FAM20A: variants seen among roughly 807,000 people sequenced by gnomAD.
FAM20A encodes the protein pseudokinase FAM20A.
In FAM20A, 42 loss-of-function variants were observed where a neutral mutation model predicts 52.0. That is an observed-to-expected ratio of 0.81 (90% CI 0.63 to 1.04). The LOEUF (loss-of-function observed/expected upper bound fraction) is 1.04. Ranked by LOEUF, FAM20A falls within the 50% of genes least tolerant of loss-of-function variation. The pLI is 0.00. For missense variants in FAM20A, 742 were observed against 712.7 expected (o/e 1.04, Z -0.47); for synonymous variants, 304 against 298.9 (o/e 1.02, Z -0.18).
intron 1 of FAM20A, among the ~76,000 whole-genome samples, chr17:68,556,808 A>G (rs2087064047): frequency 6.6e-6 from 1 of 152,122 alleles, no homozygotes; most frequent in Non-Finnish European, 1.5e-5. Flanking sequence ...GTGGGATTAT[A>G]GGGGCAGGGT....
In FAM20A at chr17:68,536,470, ACTTT is replaced by A. The variant is rs1481836424; in HGVS notation, c.*1003_*1006del. 21 of 454,080 alleles carry A rather than the reference ACTTT, an allele frequency of 4.6e-5. No individual in the cohort carries two copies. Among genetic ancestry groups the A allele is most frequent in the Admixed American group, 4.5e-4 (19 of 42,580 alleles). The allele number at this position is 454,080 out of a possible 1,614,324, so 28.1% of individuals were successfully genotyped here. A position where few individuals can be genotyped will look rare whatever the true frequency, so the allele number is the denominator to read the frequency against. On this transcript the variant is annotated 3_prime_UTR_variant, in exon 11 of 11. Transcript: ENST00000592554. ...AGAGGAGACAAGGAATCCCTACTAC[ACTTT>A]CTTCTAAGGGAGGCTTCAATAAAAA...
chr17:68,540,698 C>G, intron 8 of FAM20A, 151 bp downstream of exon 8: 1 of 969,504 alleles, frequency 1.0e-6, no homozygotes, highest in South Asian at 1.4e-5. Context: ...ACCTTCTGTC[C>G]TCTGGGACCT....
rs879942743 is a variant in FAM20A at position 68,536,102 on chromosome 17, A to G, written c.*1375T>C. ...GAGAGACACAAAGTCCAGGGGCAGC[A>G]TACCAGTCATGTGGGGGTACCACGG... On this transcript the variant is annotated 3_prime_UTR_variant, in exon 11 of 11. Transcript: ENST00000592554. 1 of 454,014 alleles carries G rather than the reference A, an allele frequency of 2.2e-6. No individual in the cohort carries two copies. The allele number at this position is 454,014 out of a possible 1,614,324, so 28.1% of individuals were successfully genotyped here.
intron 1 of FAM20A, among the ~76,000 whole-genome samples, chr17:68,575,475 T>A (rs1487621871): frequency 7.0e-5 from 8 of 114,178 alleles, no homozygotes; most frequent in African/African-American, 1.4e-4. Flanking sequence ...TATAATATAT[T>A]TTATATATTA....
At chr17:68,539,715 T>C (rs2143459579) in intron 9 of FAM20A, among the ~76,000 whole-genome samples, 170 bp downstream of exon 9, 1 of 152,306 alleles carries the variant, frequency 6.6e-6, no homozygotes, top group East Asian at 1.9e-4. Flanking sequence ...CAAGTGGTTC[T>C]TGCAAAGGTA....
At chr17:68,581,412 T>TTCTTTCTTTCTTTCTC (rs1234266220) in intron 1 of FAM20A, among the ~76,000 whole-genome samples, 3 of 146,084 alleles carry the variant, frequency 2.1e-5, no homozygotes, top group African/African-American at 7.7e-5. Flanking sequence ...CTTTCTTTCT[T>TTCTTTCTTTCTTTCTC]TCTTTTTCTC....
rs1352214317 is a variant in FAM20A at position 68,536,279 on chromosome 17, A to C, written c.*1198T>G. On this transcript the variant is annotated 3_prime_UTR_variant, in exon 11 of 11. Coordinates refer to ENST00000592554, the MANE Select transcript of FAM20A (RefSeq NM_017565.4). ...TATTTGAACTCTGGCCTTTACTGGA[A>C]AAGTTGATTTGATGAAATGAGGCAT... 5 of 454,028 alleles carry C rather than the reference A, an allele frequency of 1.1e-5. No homozygotes were observed. Among genetic ancestry groups the C allele is most frequent in the Non-Finnish European group, 4.4e-6 (1 of 226,806 alleles). 28.1% of individuals were successfully genotyped at this position (454,028 alleles called of 1,614,324 possible).
chr17:68,554,323 A>G (rs757056531), intron 3 of FAM20A, among the ~76,000 whole-genome samples: 1 of 151,934 alleles, frequency 6.6e-6, no homozygotes, highest in Non-Finnish European at 1.5e-5. Flanking sequence ...CTGGTCTCGA[A>G]CTCCTGACAT....
chr17:68,552,183 G>A (rs992460672), intron 3 of FAM20A, among the ~76,000 whole-genome samples: 8 of 151,918 alleles, frequency 5.3e-5, no homozygotes, highest in African/African-American at 1.9e-4. Context: ...AAGGCGGGAG[G>A]ATCGCTTGAG....
At chr17:68,574,110 G>A (rs1257671420) in intron 1 of FAM20A, among the ~76,000 whole-genome samples, 2 of 151,986 alleles carry the variant, frequency 1.3e-5, no homozygotes, top group East Asian at 3.9e-4. Context: ...TGTCACTCAG[G>A]CTGTACTGCA....
At chr17:68,599,471 A>G (rs2088547992) in intron 1 of FAM20A, among the ~76,000 whole-genome samples, 1 of 152,182 alleles carries the variant, frequency 6.6e-6, no homozygotes, top group African/African-American at 2.4e-5. Context: ...AATATATTTG[A>G]TATTTTTTCC....
In FAM20A at chr17:68,549,836, T is replaced by C. The variant is rs567785070; in HGVS notation, c.719+2037A>G. Among the ~76,000 whole-genome samples the C allele has an allele frequency of 5.3e-5, 8 of 152,360 alleles. No individual in the cohort carries two copies. The East Asian group carries it at 9.6e-4, about 18-fold the overall frequency. ...ACCTCTGCTAATTGCCATGTGTATT[T>C]GCTGTTATAGCTCTCATTTCAAAGG... On this transcript the variant is annotated intron_variant, in intron 4 of 10. Coordinates refer to ENST00000592554, the MANE Select transcript of FAM20A (RefSeq NM_017565.4).
At position 68,600,176 on chromosome 17, in the gene FAM20A, C is replaced by T. The variant is rs540241143; in HGVS notation, c.404+87G>A. 3 of 1,459,036 alleles carry T rather than the reference C, an allele frequency of 2.1e-6. No individual in the cohort carries two copies. The highest frequency in any genetic ancestry group is 5.0e-5 in the East Asian group (2 of 40,326). The allele number at this position is 1,459,036 out of a possible 1,614,324, so 90.4% of individuals were successfully genotyped here. A position where few individuals can be genotyped will look rare whatever the true frequency, so the allele number is the denominator to read the frequency against. On this transcript the variant is annotated intron_variant, in intron 1 of 10. Transcript: ENST00000592554. The surrounding 1 kb of genome is among the most constrained non-coding windows in gnomAD (Gnocchi z 6.2). ...TGGGTGGAGCCGCTGCAGCCCTGGG[C>T]CGGGGGCGTCAGGAAACTCGAGACT... is the stretch of plus-strand genomic sequence containing the variant.
chr17:68,539,116 C>T (rs1332323103), intron 10 of FAM20A, among the ~76,000 whole-genome samples: 2 of 152,110 alleles, frequency 1.3e-5, no homozygotes, highest in Non-Finnish European at 2.9e-5. Context: ...AGTAAAAATA[C>T]CATATTATTA....
intron 4 of FAM20A, chr17:68,551,254 A>G (rs1282527044): frequency 8.1e-6 from 6 of 738,518 alleles, no homozygotes; most frequent in African/African-American, 3.6e-5. Context: ...TCTATGTTTC[A>G]CAAAATTTTC....
At position 68,543,845 on chromosome 17, in the gene FAM20A, C is replaced by T. The variant is rs550964237; in HGVS notation, c.720-124G>A. On this transcript the variant is annotated intron_variant, in intron 4 of 10. Transcript: ENST00000592554. ...TTTATGCTTTTCATGTACACACAGG[C>T]GATGGCACGGCAAGTCAGGAATGGC... is the stretch of plus-strand genomic sequence containing the variant. The T allele has an allele frequency of 9.4e-5, 78 of 830,328 alleles. No homozygotes were observed. The African/African-American group carries it at 1.1e-3, about 11-fold the overall frequency. The allele number at this position is 830,328 out of a possible 1,614,324, so 51.4% of individuals were successfully genotyped here.
intron 1 of FAM20A, among the ~76,000 whole-genome samples, chr17:68,587,081 C>T (rs369379480): frequency 6.6e-6 from 1 of 151,988 alleles, no homozygotes; most frequent in African/African-American, 2.4e-5. Context: ...TTTTTAGTAG[C>T]GATGGGGTTT....
At chr17:68,544,068 G>C (rs1296058755) in intron 4 of FAM20A, among the ~76,000 whole-genome samples, 2 of 152,178 alleles carry the variant, frequency 1.3e-5, no homozygotes, top group Non-Finnish European at 2.9e-5. Flanking sequence ...GAAGAGAGGG[G>C]AATGGTTAGC....
At chr17:68,579,092 C>CT (rs1013330944) in intron 1 of FAM20A, among the ~76,000 whole-genome samples, 9 of 151,006 alleles carry the variant, frequency 6.0e-5, no homozygotes, top group Non-Finnish European at 8.8e-5. Context: ...TGTGAAAGTG[C>CT]ATAAAGAAGC....
Sources: gnomAD v4.1 joint callset for allele counts (sites outside exome capture counted in the v4.1 genomes callset) on GRCh38, gnomAD v4.1.1 for gene constraint, Gnocchi (gnomAD v3.1) non-coding constraint, MANE v1.5 for transcripts, NCBI Gene and HGNC (gene_info 2026-07-23, HGNC 2026-07-21) for gene names.